Variants in GPR107 observed in about 807,000 individuals in gnomAD.
The protein encoded by GPR107 is protein GPR107.
Under a neutral mutation model 75.5 loss-of-function variants are expected in GPR107, and 31 were observed. The ratio of observed to expected loss-of-function variants is 0.41; its 90% CI spans 0.31 to 0.55. The LOEUF (loss-of-function observed/expected upper bound fraction) is 0.55. Ranked by LOEUF, GPR107 falls within the 20% of genes least tolerant of loss-of-function variation. The probability of loss-of-function intolerance (pLI) is 0.26; values close to 1 mark genes in which losing one functional copy is unlikely to be tolerated. For missense variants in GPR107, 572 were observed against 665.7 expected, an observed-to-expected ratio of 0.86 and a Z score of 1.55; for synonymous variants, 267 against 251.3, an observed-to-expected ratio of 1.06 and a Z score of -0.59.
At chr9:130,123,147 C>A (rs1029753993) in intron 14 of GPR107, among the ~76,000 whole-genome samples, 1 of 152,130 alleles carries the variant, frequency 6.6e-6, no homozygotes, top group African/African-American at 2.4e-5. Context: ...AGTGTTCAGG[C>A]GCCTCCCACC....
chr9:130,056,525 A>G (rs1829793329), intron 1 of GPR107, among the ~76,000 whole-genome samples: 1 of 152,218 alleles, frequency 6.6e-6, no homozygotes, highest in Non-Finnish European at 1.5e-5. Context: ...CCAGGGCCAC[A>G]TTGGAAGATG....
At chr9:130,057,230 A>C (rs1829814461) in intron 1 of GPR107, among the ~76,000 whole-genome samples, 1 of 152,022 alleles carries the variant, frequency 6.6e-6, no homozygotes, top group Admixed American at 6.6e-5. Context: ...GGTAGCTCAC[A>C]CCTGTAATCT....
At chr9:130,065,697 G>A (rs751263224) in intron 1 of GPR107, among the ~76,000 whole-genome samples, 1 of 149,216 alleles carries the variant, frequency 6.7e-6, no homozygotes, top group Non-Finnish European at 1.5e-5. Flanking sequence ...AACCCAGGAG[G>A]TGGAGGTTGC....
intron 1 of GPR107, among the ~76,000 whole-genome samples, chr9:130,065,915 G>A (rs2132542794): frequency 6.6e-6 from 1 of 152,190 alleles, no homozygotes; most frequent in Middle Eastern, 3.4e-3. Flanking sequence ...TCCATTGGCT[G>A]CAGCCTCACT....
At chr9:130,091,444 G>A (rs922192375) in intron 8 of GPR107, among the ~76,000 whole-genome samples, 3 of 151,526 alleles carry the variant, frequency 2.0e-5, no homozygotes, top group Non-Finnish European at 4.4e-5. Context: ...TTGCATCACT[G>A]CACTCCAGCC....
chr9:130,058,469 T>C (rs918213847), intron 1 of GPR107, among the ~76,000 whole-genome samples: 46 of 151,864 alleles, frequency 3.0e-4, no homozygotes, highest in Non-Finnish European at 6.0e-4. Flanking sequence ...AGGCTTTTTT[T>C]CTTTTTTTTT....
chr9:130,105,270 C>T (rs1241940136), intron 13 of GPR107, among the ~76,000 whole-genome samples: 3 of 150,880 alleles, frequency 2.0e-5, no homozygotes, highest in Admixed American at 6.6e-5. Flanking sequence ...TTTTTTAACC[C>T]GAGATGGAGT....
chr9:130,071,036 T>TTTC (rs386416331), intron 1 of GPR107, among the ~76,000 whole-genome samples: 2 of 4,640 alleles, frequency 4.3e-4, no homozygotes, highest in South Asian at 0.014. Context: ...TTTTTTTTTC[T>TTTC]TTTTTTTTTT....
chr9:130,129,832 C>T (rs1430620482), intron 17 of GPR107: 1 of 152,290 alleles, frequency 6.6e-6, no homozygotes, highest in Non-Finnish European at 1.5e-5. Flanking sequence ...GTCCGCATAA[C>T]ACGGGGTTCT....
intron 2 of GPR107, among the ~76,000 whole-genome samples, 190 bp downstream of exon 2, chr9:130,075,939 G>C (rs970947987): frequency 6.6e-6 from 1 of 152,032 alleles, no homozygotes; most frequent in Non-Finnish European, 1.5e-5. Context: ...CCACCACCAT[G>C]ACCGTCTAAT....
At chr9:130,069,759 C>T (rs897389200) in intron 1 of GPR107, among the ~76,000 whole-genome samples, 1 of 152,076 alleles carries the variant, frequency 6.6e-6, no homozygotes, top group African/African-American at 2.4e-5. Flanking sequence ...GATCTCAGCT[C>T]ACTGAAAACT....
Position 130,086,404 on chromosome 9 carries a change from T to G in GPR107, c.565-16T>G, listed in dbSNP as rs1394130186. 7.7e-7 allele frequency: 1 copy of G among 1,292,200 alleles called. No individual in the cohort carries two copies. Among genetic ancestry groups the G allele is most frequent in the Non-Finnish European group, 1.1e-6 (1 of 887,574 alleles). 80.0% of individuals were successfully genotyped at this position (1,292,200 alleles called of 1,614,324 possible). A position where few individuals can be genotyped will look rare whatever the true frequency, so the allele number is the denominator to read the frequency against. On this transcript the variant is annotated splice_polypyrimidine_tract_variant and intron_variant, in intron 6 of 17. Coordinates refer to ENST00000347136, the MANE Select transcript of GPR107 (RefSeq NM_020960.5). ...ATGCCGGTGTCATCCTAAAACATAC[T>G]ATTATGTCTTTTTAGGCCATGGGAG...
At chr9:130,075,587 C>G in intron 1 of GPR107, 49 bp from the exon 2 acceptor site, 1 of 986,806 alleles carries the variant, frequency 1.0e-6, no homozygotes. Context: ...GTTAAATAAT[C>G]AAAAGCACTT....
intron 15 of GPR107, 67 bp from the exon 16 acceptor site, chr9:130,127,415 CA>C: frequency 1.2e-6 from 1 of 836,864 alleles, no homozygotes; most frequent in Non-Finnish European, 2.1e-6. Flanking sequence ...TTTGTGAAAG[CA>C]AATTGTTAAA....
At chr9:130,099,677 A>AGG (rs913805993) in intron 10 of GPR107, 145 bp downstream of exon 10, 14 of 590,178 alleles carry the variant, frequency 2.4e-5, no homozygotes, top group African/African-American at 1.9e-4. Context: ...CTTGTCTGGG[A>AGG]GGGCCTGGCC....
chr9:130,101,365 T>A, intron 12 of GPR107, 142 bp downstream of exon 12: 1 of 671,314 alleles, frequency 1.5e-6, no homozygotes, highest in South Asian at 1.7e-5. Flanking sequence ...AGATTCTCTT[T>A]CTGAATTCTG....
intron 1 of GPR107, among the ~76,000 whole-genome samples, chr9:130,071,725 C>G (rs1189909262): frequency 1.3e-5 from 2 of 152,012 alleles, no homozygotes; most frequent in African/African-American, 4.8e-5. Context: ...CTCTTGTCCC[C>G]CAGGCTGGAG....
At chr9:130,101,690 G>A (rs1831034807) in intron 12 of GPR107, among the ~76,000 whole-genome samples, 1 of 152,244 alleles carries the variant, frequency 6.6e-6, no homozygotes, top group African/African-American at 2.4e-5. Context: ...TTGGGGCCGA[G>A]GGCCAAGGCC....
At chr9:130,111,620 A>G (rs933621276) in intron 14 of GPR107, among the ~76,000 whole-genome samples, 9 of 152,222 alleles carry the variant, frequency 5.9e-5, no homozygotes, top group African/African-American at 1.9e-4. Flanking sequence ...AGTGAGAGAC[A>G]TGCCATTTGT....
Sources: gnomAD v4.1 joint callset for allele counts (sites outside exome capture counted in the v4.1 genomes callset) on GRCh38, gnomAD v4.1.1 for gene constraint, MANE v1.5 for transcripts, NCBI Gene and HGNC (gene_info 2026-07-23, HGNC 2026-07-21) for gene names.